The following TBL1XR1 variants were observed in gnomAD, a reference collection of about 807,000 sequenced individuals.
TBL1XR1 encodes the protein F-box-like/WD repeat-containing protein TBL1XR1.
Under a neutral mutation model 66.9 loss-of-function variants are expected in TBL1XR1, and 5 were observed. That is an observed-to-expected ratio of 0.07 (90% CI 0.04 to 0.16). The LOEUF (loss-of-function observed/expected upper bound fraction) is 0.16. TBL1XR1 is among the 10% of genes least tolerant of loss of function. TBL1XR1 has a pLI of 1.00. For missense variants in TBL1XR1, 238 were observed against 623.2 expected, an observed-to-expected ratio of 0.38 and a Z score of 6.58; for synonymous variants, 210 against 206.0, an observed-to-expected ratio of 1.02 and a Z score of -0.17.
intron 2 of TBL1XR1, chr3:177,086,993 G>A (rs1175237283): frequency 6.7e-6 from 1 of 148,964 alleles, no homozygotes; most frequent in Non-Finnish European, 1.5e-5. Flanking sequence ...GAATCATCCT[G>A]AAGGTCCTCA....
intron 1 of TBL1XR1, among the ~76,000 whole-genome samples, chr3:177,186,749 C>T (rs1343710663): frequency 6.6e-6 from 1 of 152,132 alleles, no homozygotes; most frequent in Admixed American, 6.5e-5. Flanking sequence ...TACTTAAATA[C>T]TCTAAAAAAA....
intron 1 of TBL1XR1, among the ~76,000 whole-genome samples, chr3:177,124,271 C>A (rs1378055303): frequency 6.6e-6 from 1 of 152,034 alleles, no homozygotes; most frequent in East Asian, 1.9e-4. Flanking sequence ...AAAACCTTCA[C>A]AAATGTGAAA....
chr3:177,116,879 A>G (rs1487877181), intron 1 of TBL1XR1, among the ~76,000 whole-genome samples: 1 of 152,208 alleles, frequency 6.6e-6, no homozygotes, highest in African/African-American at 2.4e-5. Context: ...ATATGATGGG[A>G]AACACTGAAC....
chr3:177,081,868 T>C (rs990594340), intron 2 of TBL1XR1, among the ~76,000 whole-genome samples: 1 of 152,124 alleles, frequency 6.6e-6, no homozygotes, highest in African/African-American at 2.4e-5. Flanking sequence ...ATATAAAATT[T>C]AAGTCTAACT....
chr3:177,096,352 A>ACACACACACACT (rs1267056134), intron 2 of TBL1XR1, among the ~76,000 whole-genome samples: 4 of 151,894 alleles, frequency 2.6e-5, no homozygotes, highest in East Asian at 1.9e-4. Flanking sequence ...ACACACACAC[A>ACACACACACACT]CTTAAATTTC....
intron 1 of TBL1XR1, among the ~76,000 whole-genome samples, chr3:177,175,501 T>C (rs913797863): frequency 6.6e-6 from 1 of 152,152 alleles, no homozygotes; most frequent in Admixed American, 6.5e-5. Context: ...AAAACGCAAA[T>C]GTTTTAAGAA....
intron 1 of TBL1XR1, among the ~76,000 whole-genome samples, chr3:177,127,993 C>T (rs1727845553): frequency 6.6e-6 from 1 of 152,126 alleles, no homozygotes; most frequent in Non-Finnish European, 1.5e-5. Flanking sequence ...CCGAAGCAAG[C>T]AGATCACTTG....
intron 1 of TBL1XR1, among the ~76,000 whole-genome samples, chr3:177,100,410 C>CCAACAT (rs142239881): frequency 0.016 from 2,457 of 152,168 alleles, 38 homozygotes; most frequent in Admixed American, 0.049. Context: ...CTCATCAACA[C>CCAACAT]CAACAGTGAA....
At chr3:177,163,956 A>G (rs1732521244) in intron 1 of TBL1XR1, 1 of 152,208 alleles carries the variant, frequency 6.6e-6, no homozygotes, top group Admixed American at 6.5e-5. Flanking sequence ...AAGCACAAAA[A>G]AGAATATATA....
Position 177,024,671 on chromosome 3 carries a change from A to G in TBL1XR1, c.*827T>C, listed in dbSNP as rs1431152119. The G allele has an allele frequency of 1.3e-5, 2 of 151,264 alleles. No individual in the cohort carries two copies. Among genetic ancestry groups the G allele is most frequent in the Non-Finnish European group, 3.0e-5 (2 of 67,726 alleles). The allele number at this position is 151,264 out of a possible 1,614,324, so 9.4% of individuals were successfully genotyped here. ...AATTGGCAGAAATATGTCCCAAAAA[A>G]GAAACTATTGCATTTAAGCCACATC... On this transcript the variant is annotated 3_prime_UTR_variant, in exon 16 of 16. Coordinates refer to ENST00000457928, the MANE Select transcript of TBL1XR1 (RefSeq NM_024665.7).
chr3:177,195,921 G>A (rs538096672), intron 1 of TBL1XR1, among the ~76,000 whole-genome samples: 1 of 152,266 alleles, frequency 6.6e-6, no homozygotes, highest in Admixed American at 6.5e-5. Context: ...AAGATTTCAA[G>A]TAAACTCCAG....
intron 1 of TBL1XR1, among the ~76,000 whole-genome samples, chr3:177,155,223 G>T (rs151206017): frequency 1.3e-5 from 2 of 152,274 alleles, no homozygotes; most frequent in Admixed American, 6.5e-5. Flanking sequence ...TAATATCAAT[G>T]CAACAGAAAA....
intron 2 of TBL1XR1, among the ~76,000 whole-genome samples, chr3:177,094,013 A>G (rs1337065359): frequency 1.3e-5 from 2 of 152,222 alleles, no homozygotes; most frequent in African/African-American, 2.4e-5. Flanking sequence ...TTCATAGCAA[A>G]AGGAACAATC....
intron 1 of TBL1XR1, among the ~76,000 whole-genome samples, chr3:177,191,445 C>T (rs757743067): frequency 6.6e-6 from 1 of 152,240 alleles, no homozygotes; most frequent in African/African-American, 2.4e-5. Flanking sequence ...CCTGCTCTGT[C>T]CCCTACTACC....
At chr3:177,170,780 T>C (rs753637153) in intron 1 of TBL1XR1, among the ~76,000 whole-genome samples, 20 of 152,142 alleles carry the variant, frequency 1.3e-4, no homozygotes, top group Non-Finnish European at 2.9e-4. Context: ...AGTTTTTGTA[T>C]TTTTTGTTGA....
intron 1 of TBL1XR1, among the ~76,000 whole-genome samples, chr3:177,136,934 A>G (rs551968134): frequency 1.6e-4 from 24 of 152,318 alleles, no homozygotes; most frequent in African/African-American, 3.1e-4. Context: ...GAGTGATTAG[A>G]TAAATATCCT....
At position 177,167,095 on chromosome 3, in the gene TBL1XR1, G is replaced by A. The variant is rs1274397995; in HGVS notation, c.-122+30026C>T. Among the ~76,000 whole-genome samples, 4 of 152,234 alleles carry A rather than the reference G, an allele frequency of 2.6e-5. 1 individual carries two copies. The highest frequency in any genetic ancestry group is 5.9e-5 in the Non-Finnish European group (4 of 68,048). On this transcript the variant is annotated intron_variant, in intron 1 of 15. Transcript: ENST00000457928. ...TAATTGCCAAAACTTGGAAGTAATG[G>A]AGACGCCCTTCAGTAGGTCAAAGTT...
intron 1 of TBL1XR1, among the ~76,000 whole-genome samples, chr3:177,113,008 C>T (rs1375005139): frequency 1.3e-5 from 2 of 151,662 alleles, no homozygotes; most frequent in African/African-American, 4.8e-5. Flanking sequence ...TCTCAAAACA[C>T]ACACACACAC....
chr3:177,118,954 C>T lies in TBL1XR1; in HGVS notation c.-121-20413G>A, dbSNP rs139676860. Among the ~76,000 whole-genome samples the T allele has an allele frequency of 3.4e-4, 52 of 152,088 alleles. 1 individual carries two copies. Among genetic ancestry groups the T allele is most frequent in the Middle Eastern group, 3.4e-3 (1 of 294 alleles). ...ATAAGCTCATAAAAACAAAGAAAAA[C>T]CTGGATAATCAGGTTTTTTTTGTTT... On this transcript the variant is annotated intron_variant, in intron 1 of 15. Transcript: ENST00000457928.
Sources: gnomAD v4.1 joint callset for allele counts (sites outside exome capture counted in the v4.1 genomes callset) on GRCh38, gnomAD v4.1.1 for gene constraint, MANE v1.5 for transcripts, NCBI Gene and HGNC (gene_info 2026-07-23, HGNC 2026-07-21) for gene names.